LARGE1: variants seen among roughly 807,000 people sequenced by gnomAD.
LARGE1 encodes the protein LARGE xylosyl- and glucuronyltransferase 1, also known as xylosyl- and glucuronyltransferase LARGE1.
A neutral mutation model predicts 87.6 loss-of-function variants in LARGE1; 43 were observed. The ratio of observed to expected loss-of-function variants is 0.49; its 90% CI spans 0.38 to 0.63. The LOEUF (loss-of-function observed/expected upper bound fraction) is 0.63, where lower values mean the gene tolerates loss of function less well. Ranked by LOEUF, LARGE1 falls within the 30% of genes least tolerant of loss-of-function variation. LARGE1 has a pLI of 0.00. For missense variants in LARGE1, 802 were observed against 1,000.2 expected (o/e 0.80, Z 2.67); for synonymous variants, 434 against 394.6 (o/e 1.10, Z -1.18).
chr22:33,198,210 G>T (rs75214285), intron 11 of LARGE1, among the ~76,000 whole-genome samples: 1 of 152,082 alleles, frequency 6.6e-6, no homozygotes, highest in East Asian at 1.9e-4. Context: ...CAAGTACAAC[G>T]TATTAAGAGA....
At chr22:33,448,392 T>C (rs2067774109) in intron 6 of LARGE1, among the ~76,000 whole-genome samples, 1 of 152,228 alleles carries the variant, frequency 6.6e-6, no homozygotes, top group South Asian at 2.1e-4. Flanking sequence ...TACCTTAGTA[T>C]ATACAATTTT....
chr22:33,261,807 T>C (rs1407874844), intron 11 of LARGE1, among the ~76,000 whole-genome samples: 1 of 152,216 alleles, frequency 6.6e-6, no homozygotes, highest in Non-Finnish European at 1.5e-5. Flanking sequence ...CTGAAATGAC[T>C]GCTTCTCTCT....
intron 11 of LARGE1, among the ~76,000 whole-genome samples, chr22:33,222,559 G>A (rs1265616421): frequency 6.6e-6 from 1 of 152,206 alleles, no homozygotes. Context: ...TAAGCTCTCA[G>A]TCCAATAGCA....
Position 33,373,479 on chromosome 22 carries a change from A to G in LARGE1, c.1131+8440T>C, listed in dbSNP as rs536798595. ...TTCTTGAGGCAGAGGTTTCCTCTGGAAGCTTTTCAGATTCATGTCTCAGAA... is the reference window on the plus strand; with the variant it reads ...TTCTTGAGGCAGAGGTTTCCTCTGGGAGCTTTTCAGATTCATGTCTCAGAA... On this transcript the variant is annotated intron_variant, in intron 9 of 14. Transcript: ENST00000397394. Among the ~76,000 whole-genome samples, 8 of 152,274 alleles carry G rather than the reference A, an allele frequency of 5.3e-5. No homozygotes were observed. The South Asian group carries it at 8.3e-4, about 16-fold the overall frequency.
chr22:33,096,067 C>A, the LARGE1 span, among the ~76,000 whole-genome samples: 6 of 152,176 alleles, frequency 3.9e-5, no homozygotes, highest in East Asian at 1.9e-4. Flanking sequence ...TGAAACAAGT[C>A]CCACTTCCTC....
the LARGE1 span, among the ~76,000 whole-genome samples, chr22:33,118,493 GAAAGAAA>G: frequency 7.6e-4 from 66 of 86,848 alleles, no homozygotes; most frequent in Admixed American, 6.4e-4. Context: ...CCCTGCCTCA[GAAAGAAA>G]AAAGAAAAAA....
intron 2 of LARGE1, among the ~76,000 whole-genome samples, chr22:33,679,869 A>G (rs955384804): frequency 6.6e-6 from 1 of 152,130 alleles, no homozygotes; most frequent in African/African-American, 2.4e-5. Context: ...AACAAAAGAA[A>G]AAAAGAAGTT....
chr22:33,885,987 GC>G (rs2064833339), intron 1 of LARGE1, among the ~76,000 whole-genome samples: 1 of 152,144 alleles, frequency 6.6e-6, no homozygotes, highest in Admixed American at 6.5e-5. Flanking sequence ...CCGAGATCAT[GC>G]CGTGGCACTG....
intron 6 of LARGE1, among the ~76,000 whole-genome samples, chr22:33,484,105 T>C (rs1473897330): frequency 6.6e-6 from 1 of 152,126 alleles, no homozygotes; most frequent in African/African-American, 2.4e-5. Flanking sequence ...CCTCACCAAA[T>C]ACACAAAGAG....
rs1400250773 is a variant in LARGE1, at chr22:33,398,762, TAAG to T, written c.893-14461_893-14459del. 8.5e-5 allele frequency among the ~76,000 whole-genome samples: 13 copies of T among 152,166 alleles called. No individual in the cohort carries two copies. The South Asian group carries it at 1.2e-3, about 15-fold the overall frequency. ...TCCAATCCAATGGCTAGTGTCCTTATAAGAAGAAGAGATAGAGACAGACACAAA... is the reference window on the plus strand; with the variant it reads ...TCCAATCCAATGGCTAGTGTCCTTATAAGAAGAGATAGAGACAGACACAAA... On this transcript the variant is annotated intron_variant, in intron 7 of 14. Coordinates refer to ENST00000397394, the MANE Select transcript of LARGE1 (RefSeq NM_133642.5).
chr22:33,537,933 C>T (rs2077088352), intron 6 of LARGE1, among the ~76,000 whole-genome samples: 1 of 152,118 alleles, frequency 6.6e-6, no homozygotes, highest in South Asian at 2.1e-4. Context: ...TCTTTGGGGG[C>T]CATTATCCAG....
intron 2 of LARGE1, among the ~76,000 whole-genome samples, chr22:33,686,877 A>C (rs534308349): frequency 6.6e-6 from 1 of 152,324 alleles, no homozygotes; most frequent in Non-Finnish European, 1.5e-5. Flanking sequence ...TGAAATTCAA[A>C]TTTAACAAGC....
At chr22:33,423,523 T>C (rs1430784940) in intron 7 of LARGE1, among the ~76,000 whole-genome samples, 3 of 151,076 alleles carry the variant, frequency 2.0e-5, no homozygotes, top group African/African-American at 7.3e-5. Context: ...TTAAAAAAAA[T>C]ACATAAATTA....
chr22:33,305,838 C>CTTTTTTTTTTTTTT (rs200366425), intron 11 of LARGE1, among the ~76,000 whole-genome samples: 4 of 126,484 alleles, frequency 3.2e-5, no homozygotes, highest in South Asian at 2.8e-4. Flanking sequence ...ATTTCTTTTT[C>CTTTTTTTTTTTTTT]TTTTTCTTTT....
At chr22:33,612,330 T>C (rs1224477544) in intron 4 of LARGE1, among the ~76,000 whole-genome samples, 1 of 152,150 alleles carries the variant, frequency 6.6e-6, no homozygotes, top group Non-Finnish European at 1.5e-5. Context: ...TCTTGAACTC[T>C]TGACCTCAAG....
At chr22:33,531,334 T>A (rs972228963) in intron 6 of LARGE1, among the ~76,000 whole-genome samples, 6 of 143,566 alleles carry the variant, frequency 4.2e-5, no homozygotes, top group Admixed American at 7.3e-5. Flanking sequence ...ATTTTTGTAT[T>A]TTTAGTAGAG....
At chr22:33,604,314 A>T in intron 5 of LARGE1, 121 bp downstream of exon 5, 1 of 1,311,210 alleles carries the variant, frequency 7.6e-7, no homozygotes, top group Non-Finnish European at 1.1e-6. Context: ...CAACTTCCTT[A>T]CGCCCTACAC....
chr22:33,207,404 A>G (rs1436524162), intron 11 of LARGE1, among the ~76,000 whole-genome samples: 1 of 152,206 alleles, frequency 6.6e-6, no homozygotes, highest in East Asian at 1.9e-4. Flanking sequence ...TTCTCACTGC[A>G]TGATTCTCTT....
At chr22:33,120,935 GTGGT>G in the LARGE1 span, among the ~76,000 whole-genome samples, 4 of 152,070 alleles carry the variant, frequency 2.6e-5, no homozygotes, top group Non-Finnish European at 5.9e-5. Context: ...GGTCTGATCT[GTGGT>G]TTCCACAGAG....
Sources: gnomAD v4.1 joint callset for allele counts (sites outside exome capture counted in the v4.1 genomes callset) on GRCh38, gnomAD v4.1.1 for gene constraint, MANE v1.5 for transcripts, NCBI Gene and HGNC (gene_info 2026-07-23, HGNC 2026-07-21) for gene names.